ZNF148: variants seen among roughly 807,000 people sequenced by gnomAD.
The protein encoded by ZNF148 is zinc finger protein 148, also known as Beta-Enolase Repressor Factor-1.
A neutral mutation model predicts 67.7 loss-of-function variants in ZNF148; 7 were observed. The observed-to-expected ratio is 0.10, with a 90% CI of 0.06 to 0.19. ZNF148 has a LOEUF of 0.19. ZNF148 is among the 10% of genes least tolerant of loss of function. The pLI, the probability that ZNF148 is intolerant of heterozygous loss-of-function variation, is 1.00. For missense variants in ZNF148, 583 were observed against 947.1 expected (o/e 0.62, Z 5.05); for synonymous variants, 333 against 330.7 (o/e 1.01, Z -0.08).
Position 125,313,443 on chromosome 3 carries a change from T to A in ZNF148, c.198A>T (p.Glu66Asp), listed in dbSNP as rs909394342. The A allele has an allele frequency of 6.2e-6, 10 of 1,614,024 alleles. No individual in the cohort carries two copies. The highest frequency in any genetic ancestry group is 1.3e-5 in the African/African-American group (1 of 74,920). ...TCATATCCTGTTGTCTCATTTCACT[T>A]TCTTGTAACACTTCATCTGCAGCAA... ...EILAADEVLQESEMRQQDMIS... is the reference protein window; with the variant it reads ...EILAADEVLQDSEMRQQDMIS... The change falls in exon 4 of 9, where the codon GAA (glutamate) becomes GAT (aspartate). Residue 66 changes from glutamate (E) to aspartate (D), a missense_variant. Glu to Asp is a conservative substitution (Grantham distance 45). This residue lies in a region of ZNF148 where 150 missense variants were observed against 202.5 expected (regional missense o/e 0.74). Coordinates refer to ENST00000360647, the MANE Select transcript of ZNF148 (RefSeq NM_021964.3).
At chr3:125,297,539 AACT>A (rs1171732417) in intron 4 of ZNF148, among the ~76,000 whole-genome samples, 1 of 151,388 alleles carries the variant, frequency 6.6e-6, no homozygotes, top group Non-Finnish European at 1.5e-5. Flanking sequence ...GTGGATAAAG[AACT>A]ACTACAAATC....
rs1935789612 is a variant in ZNF148 at position 125,230,084 on chromosome 3, C to G, written c.*2257G>C. 1.3e-5 allele frequency: 2 copies of G among 152,464 alleles called. No homozygotes were observed. The highest frequency in any genetic ancestry group is 4.1e-4 in the South Asian group (2 of 4,832). The allele number at this position is 152,464 out of a possible 1,614,324, so 9.4% of individuals were successfully genotyped here. On this transcript the variant is annotated 3_prime_UTR_variant, in exon 9 of 9. Coordinates refer to ENST00000360647, the MANE Select transcript of ZNF148 (RefSeq NM_021964.3). ...ACTACCATTTTCAAAGGCCTTCCTT[C>G]CCAAGCTCACCCTAAATGCTCAGCA...
chr3:125,236,408 C>A (rs1448627036), intron 7 of ZNF148, among the ~76,000 whole-genome samples: 1 of 151,906 alleles, frequency 6.6e-6, no homozygotes, highest in Non-Finnish European at 1.5e-5. Context: ...TAAATAGTGA[C>A]CATTACAGTG....
At chr3:125,342,410 AAC>A (rs1941767880) in intron 1 of ZNF148, among the ~76,000 whole-genome samples, 1 of 152,122 alleles carries the variant, frequency 6.6e-6, no homozygotes, top group Non-Finnish European at 1.5e-5. Flanking sequence ...CCCATAAGGG[AAC>A]ACCAATTCAA....
At chr3:125,317,617 G>A (rs1940564630) in intron 3 of ZNF148, among the ~76,000 whole-genome samples, 1 of 138,608 alleles carries the variant, frequency 7.2e-6, no homozygotes, top group South Asian at 2.2e-4. Flanking sequence ...AAAAATCAAG[G>A]AGAACTATGT....
At chr3:125,321,207 T>TA (rs951100357) in intron 3 of ZNF148, among the ~76,000 whole-genome samples, 14 of 152,300 alleles carry the variant, frequency 9.2e-5, no homozygotes, top group African/African-American at 3.1e-4. Context: ...ATTTTTAAAG[T>TA]ACTACTATTT....
At chr3:125,368,899 G>A (rs1942781647) in intron 1 of ZNF148, among the ~76,000 whole-genome samples, 2 of 150,464 alleles carry the variant, frequency 1.3e-5, no homozygotes, top group South Asian at 4.2e-4. Flanking sequence ...GAGCCAAGAT[G>A]GCGCCACTGC....
chr3:125,264,262 T>C (rs982247459), intron 7 of ZNF148, among the ~76,000 whole-genome samples: 1 of 152,236 alleles, frequency 6.6e-6, no homozygotes, highest in Non-Finnish European at 1.5e-5. Context: ...TGGTCAGAAG[T>C]ACAAGAGGCC....
At chr3:125,324,031 A>C (rs924929954) in intron 2 of ZNF148, among the ~76,000 whole-genome samples, 9 of 152,094 alleles carry the variant, frequency 5.9e-5, no homozygotes, top group Non-Finnish European at 1.2e-4. Flanking sequence ...CAGGATATTC[A>C]AGGAAATTCA....
intron 4 of ZNF148, among the ~76,000 whole-genome samples, chr3:125,307,982 G>A (rs1264657979): frequency 6.6e-6 from 1 of 152,084 alleles, no homozygotes; most frequent in Non-Finnish European, 1.5e-5. Flanking sequence ...TGATGAAAGA[G>A]TAAATGCAGT....
chr3:125,335,218 C>T (rs1348328871), intron 1 of ZNF148, among the ~76,000 whole-genome samples: 2 of 152,140 alleles, frequency 1.3e-5, no homozygotes, highest in East Asian at 3.9e-4. Context: ...ACTGACATAT[C>T]CCAGTGCCTA....
At chr3:125,301,830 G>A (rs1429278190) in intron 4 of ZNF148, among the ~76,000 whole-genome samples, 7 of 152,040 alleles carry the variant, frequency 4.6e-5, no homozygotes, top group Non-Finnish European at 1.0e-4. Context: ...CTGGGAGGCC[G>A]AGGTGGGTGG....
chr3:125,325,322 G>A (rs1487620611), intron 2 of ZNF148, among the ~76,000 whole-genome samples: 2 of 151,830 alleles, frequency 1.3e-5, no homozygotes, highest in Admixed American at 1.3e-4. Context: ...GAAAAACAGA[G>A]TAGAAAAAGA....
Position 125,232,890 on chromosome 3 carries a change from A to G in ZNF148, c.1836T>C (p.Ala612=). 1 of 1,613,854 alleles carries G rather than the reference A, an allele frequency of 6.2e-7. No individual in the cohort carries two copies. Among genetic ancestry groups the G allele is most frequent in the African/African-American group, 1.3e-5 (1 of 75,016 alleles). ...CATCATTTTGGCTAGTTCTGTCCAA[A>G]GCCTGCTGCAGAAACTTGGAGTATT... ...LQEYSKFLQQ[A]LDRTSQNDAY... The change falls in exon 9 of 9, where the codon GCT becomes GCC. Residue 612 remains alanine, a synonymous_variant. Coordinates refer to ENST00000360647, the MANE Select transcript of ZNF148 (RefSeq NM_021964.3). The surrounding 1 kb of genome is among the most constrained non-coding windows in gnomAD (Gnocchi z 4.2).
chr3:125,241,553 T>C (rs1269614883), intron 7 of ZNF148, among the ~76,000 whole-genome samples: 1 of 152,198 alleles, frequency 6.6e-6, no homozygotes, highest in African/African-American at 2.4e-5. Context: ...TTTCCTTCAG[T>C]CAACAATGTA....
chr3:125,298,346 T>TACACACACACAC (rs141809192), intron 4 of ZNF148, among the ~76,000 whole-genome samples: 3,238 of 145,738 alleles, frequency 0.022, 53 homozygotes, highest in African/African-American at 0.03. Flanking sequence ...TAAATGTGCA[T>TACACACACACAC]ACACACACAC....
At chr3:125,308,814 AT>A (rs1378291922) in intron 4 of ZNF148, among the ~76,000 whole-genome samples, 5 of 152,220 alleles carry the variant, frequency 3.3e-5, no homozygotes, top group Non-Finnish European at 7.3e-5. Context: ...TAACCACTTT[AT>A]TCATAGTAAT....
intron 3 of ZNF148, among the ~76,000 whole-genome samples, chr3:125,319,720 C>T (rs941279139): frequency 5.3e-5 from 8 of 152,150 alleles, no homozygotes; most frequent in Admixed American, 4.6e-4. Context: ...TACAATAACC[C>T]TCAAGACAGT....
chr3:125,299,758 G>T (rs554769662), intron 4 of ZNF148, among the ~76,000 whole-genome samples: 1 of 152,212 alleles, frequency 6.6e-6, no homozygotes, highest in East Asian at 1.9e-4. Context: ...ACCAGGAAAG[G>T]AATAGCACTC....
Sources: gnomAD v4.1 joint callset for allele counts (sites outside exome capture counted in the v4.1 genomes callset) on GRCh38, gnomAD v4.1.1 for gene constraint, gnomAD v4.1.1 regional missense constraint, Gnocchi (gnomAD v3.1) non-coding constraint, MANE v1.5 for transcripts, NCBI Gene and HGNC (gene_info 2026-07-23, HGNC 2026-07-21) for gene names.